Variants in ERC1 observed in about 807,000 individuals in gnomAD.
ERC1 encodes ELKS/RAB6-interacting/CAST family member 1, also known as RAB6 interacting protein 2.
Under a neutral mutation model 132.0 loss-of-function variants are expected in ERC1, and 56 were observed. The ratio of observed to expected loss-of-function variants is 0.42; its 90% CI spans 0.34 to 0.53. ERC1 has a LOEUF of 0.53. Among genes scored for constraint, ERC1 ranks in the 20% least tolerant of loss-of-function variants. The pLI is 0.03. For missense variants in ERC1, 1,202 were observed against 1,349.9 expected (o/e 0.89, Z 1.72); for synonymous variants, 478 against 476.1 (o/e 1.00, Z -0.05).
At chr12:1,053,052 A>C (rs1163994357) in intron 2 of ERC1, among the ~76,000 whole-genome samples, 1 of 152,228 alleles carries the variant, frequency 6.6e-6, no homozygotes, top group Non-Finnish European at 1.5e-5. Context: ...TCATGGAATT[A>C]ATAAGTTGAA....
chr12:1,406,545 A>G (rs2091504660), intron 16 of ERC1, among the ~76,000 whole-genome samples: 2 of 152,240 alleles, frequency 1.3e-5, no homozygotes, highest in Admixed American at 1.3e-4. Context: ...GGAGGGGACT[A>G]AATGGATACA....
intron 7 of ERC1, among the ~76,000 whole-genome samples, chr12:1,121,019 C>T (rs1947025885): frequency 6.6e-6 from 1 of 152,156 alleles, no homozygotes; most frequent in Non-Finnish European, 1.5e-5. Context: ...ATCATCCAGT[C>T]TTTCCGTAAT....
At chr12:1,041,209 C>CTTT (rs35597759) in intron 2 of ERC1, among the ~76,000 whole-genome samples, 20 of 142,284 alleles carry the variant, frequency 1.4e-4, no homozygotes, top group African/African-American at 4.9e-4. Context: ...GTCTCTCTTT[C>CTTT]TTTTTTTTTT....
At chr12:1,121,881 GTGTCTCTATCTC>G (rs2154218412) in intron 7 of ERC1, among the ~76,000 whole-genome samples, 1 of 32,434 alleles carries the variant, frequency 3.1e-5, no homozygotes, top group Non-Finnish European at 6.3e-5. Flanking sequence ...ATCTCTATCT[GTGTCTCTATCTC>G]TATCTCTATC....
rs1442992382 is a variant in ERC1 at position 1,116,066 on chromosome 12, G to A, written c.1569+33G>A. 7 of 1,584,162 alleles carry A rather than the reference G, an allele frequency of 4.4e-6. No individual in the cohort carries two copies. In the Admixed American group the frequency reaches 7.0e-5, roughly 16 times the overall value. On this transcript the variant is annotated intron_variant, in intron 7 of 18. Coordinates refer to ENST00000360905, the MANE Select transcript of ERC1 (RefSeq NM_178040.4). ...CAATTCTGGGATTTGTGGGGAGTTGGTTTCTTGGCACCTTTTCATAAGCGT... is the reference window on the plus strand; with the variant it reads ...CAATTCTGGGATTTGTGGGGAGTTGATTTCTTGGCACCTTTTCATAAGCGT...
At chr12:1,146,307 G>GTTTTTTTTTTTTTTTTTT (rs1346178811) in intron 8 of ERC1, among the ~76,000 whole-genome samples, 5 of 59,392 alleles carry the variant, frequency 8.4e-5, no homozygotes, top group Admixed American at 1.7e-4. Flanking sequence ...GTATTTTACT[G>GTTTTTTTTTTTTTTTTTT]GTTTTTTTTT....
intron 18 of ERC1, chr12:1,480,748 T>C (rs7315390): frequency 0.37 from 246,690 of 675,644 alleles, 49,502 homozygotes; most frequent in African/African-American, 0.67. Flanking sequence ...GTGTGGGTAG[T>C]GGGCAGGGGG....
At chr12:1,071,841 CT>C (rs2154182260) in intron 2 of ERC1, among the ~76,000 whole-genome samples, 1 of 152,264 alleles carries the variant, frequency 6.6e-6, no homozygotes, top group South Asian at 2.1e-4. Flanking sequence ...TGGCTCACAC[CT>C]TTAATCCCAG....
chr12:1,339,468 G>A (rs919100581), intron 15 of ERC1, among the ~76,000 whole-genome samples: 2 of 146,248 alleles, frequency 1.4e-5, no homozygotes, highest in African/African-American at 2.6e-5. Flanking sequence ...CACTGCAGTG[G>A]CAGAGGCAGC....
rs141635284 is a variant in ERC1 at position 1,022,805 on chromosome 12, A to G, written c.-156-4943A>G. 6.5e-3 allele frequency among the ~76,000 whole-genome samples: 996 copies of G among 152,138 alleles called. 8 individuals carry two copies. Among genetic ancestry groups the G allele is most frequent in the South Asian group, 0.012 (56 of 4,822 alleles). ...GGTAATATTTGTATTTTTAGTAGAG[A>G]TAGGGTTTCACCATGTTGGCCAGGC... On this transcript the variant is annotated intron_variant, in intron 1 of 18. Transcript: ENST00000360905.
intron 8 of ERC1, among the ~76,000 whole-genome samples, chr12:1,147,432 A>G (rs1950483047): frequency 6.6e-6 from 1 of 152,122 alleles, no homozygotes; most frequent in Non-Finnish European, 1.5e-5. Context: ...TAATATTTTC[A>G]AGTAATAGAC....
At chr12:1,177,466 T>C (rs955192463) in intron 8 of ERC1, among the ~76,000 whole-genome samples, 5 of 152,208 alleles carry the variant, frequency 3.3e-5, no homozygotes, top group Admixed American at 6.5e-5. Context: ...AGGCCATTGT[T>C]GGGTTATGAA....
chr12:1,133,358 G>A (rs180845708), intron 7 of ERC1, among the ~76,000 whole-genome samples: 2 of 152,192 alleles, frequency 1.3e-5, no homozygotes, highest in Admixed American at 1.3e-4. Context: ...CTGTGTAGAA[G>A]GGTCACCAGA....
chr12:1,375,820 C>T (rs2087837134), intron 16 of ERC1, among the ~76,000 whole-genome samples: 1 of 150,882 alleles, frequency 6.6e-6, no homozygotes, highest in African/African-American at 2.4e-5. Flanking sequence ...TCACTGCAAC[C>T]TCCACCTCCT....
intron 17 of ERC1, among the ~76,000 whole-genome samples, chr12:1,441,092 T>G: frequency 6.6e-6 from 1 of 152,032 alleles, no homozygotes; most frequent in Non-Finnish European, 1.5e-5. Flanking sequence ...CAGATCTTGC[T>G]GCAATGCCCA....
At chr12:1,183,525 C>T (rs966854795) in intron 11 of ERC1, 104 bp downstream of exon 11, 23 of 666,102 alleles carry the variant, frequency 3.5e-5, no homozygotes, top group Admixed American at 6.9e-5. Context: ...AATAATAATC[C>T]GCCAAACTTT....
In ERC1 at chr12:1,430,997, C is replaced by T. The variant is rs555536695; in HGVS notation, c.3025-13565C>T. Among the ~76,000 whole-genome samples, 4 of 152,290 alleles carry T rather than the reference C, an allele frequency of 2.6e-5. No homozygotes were observed. In the South Asian group the frequency reaches 8.3e-4, roughly 32 times the overall value. On this transcript the variant is annotated intron_variant, in intron 17 of 18. Coordinates refer to ENST00000360905, the MANE Select transcript of ERC1 (RefSeq NM_178040.4). ...AAATGTCCCAAATGGTTTCTAGTCTCTCTTGGTTGAGAAAATAGAGAACAC... is the reference window on the plus strand; with the variant it reads ...AAATGTCCCAAATGGTTTCTAGTCTTTCTTGGTTGAGAAAATAGAGAACAC...
intron 14 of ERC1, 99 bp from the exon 15 acceptor site, chr12:1,289,753 C>G (rs1292801113): frequency 1.2e-6 from 1 of 850,638 alleles, no homozygotes; most frequent in African/African-American, 1.7e-5. Flanking sequence ...GTTCCTGCGT[C>G]TCTTCAATTT....
At chr12:998,834 C>G (rs1245511627) in intron 1 of ERC1, among the ~76,000 whole-genome samples, 2 of 147,738 alleles carry the variant, frequency 1.4e-5, no homozygotes, top group African/African-American at 5.0e-5. Flanking sequence ...TGCTGGTTCT[C>G]TGGGCTCTTT....
Sources: gnomAD v4.1 joint callset for allele counts (sites outside exome capture counted in the v4.1 genomes callset) on GRCh38, gnomAD v4.1.1 for gene constraint, MANE v1.5 for transcripts, NCBI Gene and HGNC (gene_info 2026-07-23, HGNC 2026-07-21) for gene names.